Variants in NTRK2 observed in about 807,000 individuals in gnomAD.
NTRK2 encodes the protein neurotrophic receptor tyrosine kinase 2.
Under a neutral mutation model 94.5 loss-of-function variants are expected in NTRK2, and 13 were observed. The observed-to-expected ratio is 0.14, with a 90% CI of 0.09 to 0.22. NTRK2 has a LOEUF of 0.22. Ranked by LOEUF, NTRK2 falls within the 10% of genes least tolerant of loss-of-function variation. The probability of loss-of-function intolerance (pLI) is 1.00; values close to 1 mark genes in which losing one functional copy is unlikely to be tolerated. For synonymous variants in NTRK2, 372 were observed against 407.4 expected (o/e 0.91, Z 1.05); for missense variants, 639 against 1,071.2 (o/e 0.60, Z 5.63).
At chr9:84,782,751 T>C (rs1380562966) in intron 12 of NTRK2, among the ~76,000 whole-genome samples, 1 of 152,172 alleles carries the variant, frequency 6.6e-6, no homozygotes, top group Non-Finnish European at 1.5e-5. Context: ...TTGTGAGAGA[T>C]TGCACTCTGG....
chr9:84,751,262 C>T lies in NTRK2; in HGVS notation c.1297-724C>T, dbSNP rs1019635907. 8.5e-5 allele frequency among the ~76,000 whole-genome samples: 13 copies of T among 152,258 alleles called. No individual in the cohort carries two copies. In the South Asian group the frequency reaches 2.7e-3, roughly 32 times the overall value. On this transcript the variant is annotated intron_variant, in intron 11 of 18. Transcript: ENST00000277120. ...TCAGTAGAGAGAATAGTAAAATGAA[C>T]CCCATTGTATTCTTCACCAGCTTCA...
At chr9:84,862,061 G>A (rs2075364148) in intron 13 of NTRK2, among the ~76,000 whole-genome samples, 1 of 152,140 alleles carries the variant, frequency 6.6e-6, no homozygotes, top group Non-Finnish European at 1.5e-5. Context: ...GCCGGCTGAG[G>A]CAGCCTGGCC....
intron 3 of NTRK2, 41 bp from the exon 4 acceptor site, chr9:84,702,307 C>T (rs767840244): frequency 3.7e-6 from 6 of 1,610,156 alleles, no homozygotes; most frequent in East Asian, 2.2e-5. Flanking sequence ...CAGGCATTCA[C>T]TGGTTCGTTC....
intron 5 of NTRK2, among the ~76,000 whole-genome samples, chr9:84,709,530 T>C (rs2061303904): frequency 6.6e-6 from 1 of 152,142 alleles, no homozygotes; most frequent in South Asian, 2.1e-4. Flanking sequence ...GAGTCTACCA[T>C]GACCACATTT....
intron 6 of NTRK2, among the ~76,000 whole-genome samples, chr9:84,715,088 A>G (rs1239093725): frequency 6.6e-6 from 1 of 152,220 alleles, no homozygotes; most frequent in Non-Finnish European, 1.5e-5. Context: ...ATATGCAAAT[A>G]TGCATATTCC....
At chr9:84,919,425 C>T (rs1279144352) in intron 14 of NTRK2, among the ~76,000 whole-genome samples, 1 of 152,160 alleles carries the variant, frequency 6.6e-6, no homozygotes, top group African/African-American at 2.4e-5. Context: ...GTATGCTCCT[C>T]TTGTGTACAG....
At chr9:85,007,254 TA>T (rs1831072566) in intron 17 of NTRK2, among the ~76,000 whole-genome samples, 1 of 152,098 alleles carries the variant, frequency 6.6e-6, no homozygotes, top group African/African-American at 2.4e-5. Flanking sequence ...GTTAGCCAGG[TA>T]AAAATTGAAG....
intron 14 of NTRK2, chr9:84,871,859 C>T: frequency 3.1e-6 from 5 of 1,613,418 alleles, no homozygotes; most frequent in African/African-American, 1.3e-5. Flanking sequence ...ACTGCAGGAA[C>T]TAAAGGAGGC....
At chr9:84,931,688 G>T (rs1356029189) in intron 14 of NTRK2, among the ~76,000 whole-genome samples, 1 of 108,060 alleles carries the variant, frequency 9.3e-6, no homozygotes, top group Non-Finnish European at 1.8e-5. Flanking sequence ...CTTGGACTGC[G>T]AAAAGAAAGA....
At chr9:84,768,604 A>G (rs2066246777) in intron 12 of NTRK2, among the ~76,000 whole-genome samples, 2 of 152,278 alleles carry the variant, frequency 1.3e-5, no homozygotes, top group Non-Finnish European at 1.5e-5. Context: ...TTAATCATCA[A>G]TATGATCTCT....
intron 2 of NTRK2, among the ~76,000 whole-genome samples, chr9:84,678,016 T>C (rs1461105453): frequency 2.0e-5 from 3 of 152,200 alleles, no homozygotes; most frequent in Non-Finnish European, 4.4e-5. Context: ...TCCTGTAATC[T>C]TCATATCCCA....
chr9:84,979,965 A>G (rs73480798), intron 17 of NTRK2, among the ~76,000 whole-genome samples: 33,978 of 152,262 alleles, frequency 0.22, 4,642 homozygotes, highest in African/African-American at 0.39. Flanking sequence ...GCTATTGCAT[A>G]CATAATAAAC....
At chr9:84,727,399 A>G (rs997131453) in intron 8 of NTRK2, among the ~76,000 whole-genome samples, 9 of 152,188 alleles carry the variant, frequency 5.9e-5, no homozygotes, top group Non-Finnish European at 1.2e-4. Flanking sequence ...ACTTATACTG[A>G]ATAGATTTGA....
At chr9:84,917,201 C>T (rs2077419817) in intron 14 of NTRK2, among the ~76,000 whole-genome samples, 1 of 152,148 alleles carries the variant, frequency 6.6e-6, no homozygotes, top group Admixed American at 6.5e-5. Context: ...TTTTGTACAC[C>T]ATCATACATT....
intron 14 of NTRK2, among the ~76,000 whole-genome samples, chr9:84,891,283 G>A (rs1399353469): frequency 3.1e-5 from 4 of 128,934 alleles, no homozygotes; most frequent in Non-Finnish European, 6.4e-5. Flanking sequence ...GTTCTAGAAT[G>A]AGCACTGTCT....
At chr9:84,796,247 C>G (rs1177271355) in intron 12 of NTRK2, among the ~76,000 whole-genome samples, 1 of 152,188 alleles carries the variant, frequency 6.6e-6, no homozygotes, top group South Asian at 2.1e-4. Flanking sequence ...GCCTTCTCCT[C>G]TTGTTTGTGA....
In NTRK2 at chr9:84,861,039, G is replaced by C; in HGVS notation, c.1397-1G>C. On this transcript the variant is annotated splice_acceptor_variant, in intron 12 of 18. Transcript: ENST00000277120. LOFTEE classifies it high-confidence loss of function. ...ATTTTATGTTTTGTTGTGGTTTTCA[G>C]ATTTCTCATGGTTTGGATTTGGGAA... is the stretch of plus-strand genomic sequence containing the variant. 6.2e-7 allele frequency: 1 copy of C among 1,613,198 alleles called. No homozygotes were observed. Among genetic ancestry groups the C allele is most frequent in the Non-Finnish European group, 8.5e-7 (1 of 1,179,514 alleles).
intron 16 of NTRK2, among the ~76,000 whole-genome samples, chr9:84,949,165 G>C (rs892148782): frequency 1.3e-5 from 2 of 152,172 alleles, no homozygotes; most frequent in Non-Finnish European, 2.9e-5. Context: ...GAATAACCAG[G>C]AGGCCAGTAG....
intron 12 of NTRK2, among the ~76,000 whole-genome samples, chr9:84,860,057 TGTGCAAA>T (rs922743747): frequency 6.6e-6 from 1 of 152,220 alleles, no homozygotes; most frequent in Non-Finnish European, 1.5e-5. Context: ...TCATCTTGAG[TGTGCAAA>T]GTGCTTTTCT....
Sources: gnomAD v4.1 joint callset for allele counts (sites outside exome capture counted in the v4.1 genomes callset) on GRCh38, gnomAD v4.1.1 for gene constraint, MANE v1.5 for transcripts, NCBI Gene and HGNC (gene_info 2026-07-23, HGNC 2026-07-21) for gene names.